Variants in NOS3 observed in about 807,000 individuals in gnomAD.
The protein encoded by NOS3 is NOS type III.
A neutral mutation model predicts 144.9 loss-of-function variants in NOS3; 98 were observed. The ratio of observed to expected loss-of-function variants is 0.68; its 90% confidence interval spans 0.57 to 0.80. The LOEUF (loss-of-function observed/expected upper bound fraction) is 0.80. NOS3 is among the 30% of genes least tolerant of loss of function. The pLI, the probability that NOS3 is intolerant of heterozygous loss-of-function variation, is 0.00. For missense variants in NOS3, 1,465 were observed against 1,656.4 expected (o/e 0.88, Z 2.01); for synonymous variants, 714 against 702.4 (o/e 1.02, Z -0.26).
chr7:150,998,476 C>T lies in NOS3; in HGVS notation c.674+28C>T. On this transcript the variant is annotated intron_variant, in intron 6 of 26. Transcript: ENST00000297494. The surrounding 1 kb of genome is among the most constrained non-coding windows in gnomAD (Gnocchi z 5.0). ...GAGTGCCCCCCACCATGCCAGGCCC[C>T]AGCCTTCTTCCCCAAGGCAGGGAAG... 6.2e-7 allele frequency: 1 copy of T among 1,611,518 alleles called. No individual in the cohort carries two copies. Among genetic ancestry groups the T allele is most frequent in the Non-Finnish European group, 8.5e-7 (1 of 1,179,436 alleles).
Position 150,993,854 on chromosome 7 carries a change from GGGGCTGGGGCTGGGCCTT to G in NOS3, c.58_75del (p.Gly20_Leu25del). The G allele has an allele frequency of 6.2e-7, 1 of 1,601,058 alleles. No individual in the cohort carries two copies. The highest frequency in any genetic ancestry group is 1.8e-5 in the Admixed American group (1 of 55,662). ...AGGAGCCTGGGCCACCCTGCGGCCT[GGGGCTGGGGCTGGGCCTT>G]GGGCTGTGCGGCAAGCAGGGCCCAG... On this transcript the variant is annotated inframe_deletion, in exon 2 of 27. Transcript: ENST00000297494. This position sits in a 1 kb window ranked among gnomAD's most constrained non-coding sequence, Gnocchi z 4.0.
In NOS3 at chr7:150,993,853, T is replaced by C; in HGVS notation, c.50T>C (p.Leu17Pro). Reference sequence around the variant, plus strand: ...CAGGAGCCTGGGCCACCCTGCGGCCTGGGGCTGGGGCTGGGCCTTGGGCTG... The same window carrying C: ...CAGGAGCCTGGGCCACCCTGCGGCCCGGGGCTGGGGCTGGGCCTTGGGCTG... ...VAQEPGPPCG[L>P]GLGLGLGLCG... Residue 17 changes from leucine (L) to proline (P), a missense_variant, in exon 2 of 27, where the codon CTG (leucine) becomes CCG (proline). Coordinates refer to ENST00000297494, the MANE Select transcript of NOS3 (RefSeq NM_000603.5). This position sits in a 1 kb window ranked among gnomAD's most constrained non-coding sequence, Gnocchi z 4.0. 1.2e-6 allele frequency: 2 copies of C among 1,600,910 alleles called. No individual in the cohort carries two copies. Among genetic ancestry groups the C allele is most frequent in the Non-Finnish European group, 1.7e-6 (2 of 1,176,478 alleles).
At chr7:151,004,376 C>A (rs1795175308) in intron 14 of NOS3, among the ~76,000 whole-genome samples, 1 of 152,148 alleles carries the variant, frequency 6.6e-6, no homozygotes, top group Non-Finnish European at 1.5e-5. Flanking sequence ...TGTCAAACAG[C>A]AAAGCAAATT....
At chr7:151,008,826 C>T in intron 17 of NOS3, 104 bp from the exon 18 acceptor site, 4 of 1,325,612 alleles carry the variant, frequency 3.0e-6, no homozygotes, top group East Asian at 2.6e-5. Context: ...GCCACTGGGG[C>T]TGCCAACCCC....
chr7:150,996,960 T>TA, intron 5 of NOS3, 35 bp downstream of exon 5: 1 of 1,538,014 alleles, frequency 6.5e-7, no homozygotes, highest in Non-Finnish European at 8.8e-7. Flanking sequence ...ACCCGGGCGC[T>TA]ACCAAAAGGG....
In NOS3 at chr7:151,003,369, A is replaced by G; in HGVS notation, c.1752+1065A>G. The G allele has an allele frequency of 8.7e-7, 1 of 1,154,216 alleles. No individual in the cohort carries two copies. The highest frequency in any genetic ancestry group is 1.1e-6 in the Non-Finnish European group (1 of 878,710). The allele number at this position is 1,154,216 out of a possible 1,614,324, so 71.5% of individuals were successfully genotyped here. Reference sequence around the variant, plus strand: ...TCTAACTCCTGGGTTCAAGCAATCCACCTGCCTCGGCCTCCCAAAGTGCTG... The same window carrying G: ...TCTAACTCCTGGGTTCAAGCAATCCGCCTGCCTCGGCCTCCCAAAGTGCTG... On this transcript the variant is annotated intron_variant, in intron 14 of 26. Coordinates refer to ENST00000297494, the MANE Select transcript of NOS3 (RefSeq NM_000603.5). The surrounding 1 kb of genome is among the most constrained non-coding windows in gnomAD (Gnocchi z 4.1).
chr7:150,996,477 C>T lies in NOS3; in HGVS notation c.344C>T (p.Pro115Leu), dbSNP rs368121237. 11 of 1,597,262 alleles carry T rather than the reference C, an allele frequency of 6.9e-6. No individual in the cohort carries two copies. In the Admixed American group the frequency reaches 1.5e-4, roughly 22 times the overall value. The change falls in exon 4 of 27, where the codon CCC becomes CTC. Residue 115 changes from proline (P) to leucine (L), a missense_variant. Coordinates refer to ENST00000297494, the MANE Select transcript of NOS3 (RefSeq NM_000603.5). ...FPRKLQGRPS[P>L]GPPAPEQLLS... ...CGGAAACTACAGGGCCGGCCCTCCC[C>T]CGGCCCCCCGGCCCCTGAGCAGCTG...
At position 151,014,116 on chromosome 7, in the gene NOS3, G is replaced by T. The variant is rs541336826; in HGVS notation, c.3559G>T (p.Gly1187Cys). 56 of 1,613,368 alleles carry T rather than the reference G, an allele frequency of 3.5e-5. 1 individual carries two copies. The South Asian group carries it at 5.4e-4, about 16-fold the overall frequency. The change falls in exon 27 of 27, where the codon GGC (glycine) becomes TGC (cysteine). Residue 1187 changes from glycine to cysteine, a missense_variant. By Grantham distance (159) the Gly-to-Cys change is radical. This residue lies in a region of NOS3 where 228 missense variants were observed against 227.7 expected (regional missense o/e 1.00). Transcript: ENST00000297494. ...SFSLQERQLR[G>C]AVPWAFDPPG... ...TTCCTTGCAGGAGCGTCAGTTGCGG[G>T]GCGCAGTGCCCTGGGCGTTCGACCC... is the stretch of plus-strand genomic sequence containing the variant.
In NOS3 at chr7:151,010,146, C is replaced by G; in HGVS notation, c.2544C>G (p.Pro848=). The change falls in exon 21 of 27, where the codon CCC becomes CCG. Residue 848 remains proline (P), a synonymous_variant. Transcript: ENST00000297494. ...CTCCCCCCGGCTGGGTGCGGGACCCCCGGCTGCCCCCGTGCACGCTGCGCC... is the reference window on the plus strand; with the variant it reads ...CTCCCCCCGGCTGGGTGCGGGACCCGCGGCTGCCCCCGTGCACGCTGCGCC... ...GGPPPGWVRD[P]RLPPCTLRQA... is the part of the protein sequence containing the mutation. 1 of 1,609,112 alleles carries G rather than the reference C, an allele frequency of 6.2e-7. No individual in the cohort carries two copies. The highest frequency in any genetic ancestry group is 8.5e-7 in the Non-Finnish European group (1 of 1,178,244).
rs562390919 is a variant in NOS3, at chr7:150,993,793, C to T, written c.-11C>T. 9.8e-5 allele frequency: 156 copies of T among 1,585,926 alleles called. No homozygotes were observed. Among genetic ancestry groups the T allele is most frequent in the Admixed American group, 1.6e-4 (8 of 50,102 alleles). ...CTGCTGGAGCAGGCAGCAGAGTGGA[C>T]GCACAGTAACATGGGCAACTTGAAG... On this transcript the variant is annotated 5_prime_UTR_variant, in exon 2 of 27. The change creates a new upstream start codon in the 5' untranslated region. Coordinates refer to ENST00000297494, the MANE Select transcript of NOS3 (RefSeq NM_000603.5). The surrounding 1 kb of genome is among the most constrained non-coding windows in gnomAD (Gnocchi z 4.0).
At chr7:151,000,033 G>A (rs1020279066) in intron 9 of NOS3, among the ~76,000 whole-genome samples, 2 of 146,450 alleles carry the variant, frequency 1.4e-5, no homozygotes, top group East Asian at 2.1e-4. Flanking sequence ...AGGTATGTGG[G>A]TGTGAGTGTG....
chr7:151,001,740 G>A (rs535634518), intron 12 of NOS3, 81 bp from the exon 13 acceptor site: 2 of 1,592,464 alleles, frequency 1.3e-6, no homozygotes, highest in African/African-American at 1.3e-5. Context: ...CCAAAACCCT[G>A]TTGTGAGGGG....
rs749451521 is a variant in NOS3, at chr7:151,001,342, G to A, written c.1345G>A (p.Val449Met). ...GGCPADWAWI[V>M]PPISGSLTPV... ...CTGCCCTGCAGACTGGGCCTGGATC[G>A]TGCCCCCCATCTCGGGCAGCCTCAC... Residue 449 changes from valine to methionine, a missense_variant, in exon 11 of 27, where the codon GTG becomes ATG. Physicochemically the swap from Val to Met is conservative, Grantham distance 21 (BLOSUM62 1). Around this residue, in one of 5 missense-constraint regions of NOS3, gnomAD observed 745 missense variants for 853.9 expected, o/e 0.87. Transcript: ENST00000297494. 45 of 1,613,250 alleles carry A rather than the reference G, an allele frequency of 2.8e-5. No homozygotes were observed. Among genetic ancestry groups the A allele is most frequent in the Admixed American group, 3.3e-5 (2 of 59,948 alleles).
chr7:151,006,632 A>C, intron 15 of NOS3, 138 bp downstream of exon 15: 1 of 774,118 alleles, frequency 1.3e-6, no homozygotes, highest in South Asian at 1.6e-5. Flanking sequence ...GATGCCCTCC[A>C]TTCCAGGCTG....
At chr7:151,000,877 G>A (rs1307265595) in intron 10 of NOS3, among the ~76,000 whole-genome samples, 1 of 152,174 alleles carries the variant, frequency 6.6e-6, no homozygotes, top group East Asian at 1.9e-4. Flanking sequence ...ATTGGGTATT[G>A]CAGTTTGTGG....
rs1249591731 is a variant in NOS3 at position 150,993,756 on chromosome 7, A to G, written c.-48A>G. 6.4e-7 allele frequency: 1 copy of G among 1,556,388 alleles called. No individual in the cohort carries two copies. The highest frequency in any genetic ancestry group is 8.6e-7 in the Non-Finnish European group (1 of 1,157,564). On this transcript the variant is annotated 5_prime_UTR_variant, in exon 2 of 27. Transcript: ENST00000297494. This position sits in a 1 kb window ranked among gnomAD's most constrained non-coding sequence, Gnocchi z 4.0. ...CGGTCCCCTCCCTCTTCCTAAGGAA[A>G]AGGCCAGGGCTCTGCTGGAGCAGGC...
rs1317556059 is a variant in NOS3 at position 151,001,218 on chromosome 7, C to G, written c.1234-13C>G. ...GTCTGGTTTGAGCCTCTCCCCCTCT[C>G]TCTCCCTTCCAGCTAGCCAAAGTCA... On this transcript the variant is annotated splice_polypyrimidine_tract_variant and intron_variant, in intron 10 of 26. Transcript: ENST00000297494. 4 of 1,611,762 alleles carry G rather than the reference C, an allele frequency of 2.5e-6. No individual in the cohort carries two copies. The highest frequency in any genetic ancestry group is 3.4e-6 in the Non-Finnish European group (4 of 1,179,832).
Position 151,000,513 on chromosome 7 carries a change from A to C in NOS3, c.1147A>C (p.Met383Leu). 1 of 1,612,686 alleles carries C rather than the reference A, an allele frequency of 6.2e-7. No individual in the cohort carries two copies. Among genetic ancestry groups the C allele is most frequent in the East Asian group, 2.2e-5 (1 of 44,880 alleles). Reference protein sequence around the residue: ...YNILEDVAVCMDLDTRTTSSL... With the variant: ...YNILEDVAVCLDLDTRTTSSL... ...TCTGCCCCAGGATGTGGCTGTCTGC[A>C]TGGACCTGGATACCCGGACCACCTC... The change falls in exon 10 of 27, where the codon ATG becomes CTG. Residue 383 changes from methionine to leucine, a missense_variant. Met to Leu is a conservative substitution (Grantham distance 15). Around this residue, in one of 5 missense-constraint regions of NOS3, gnomAD observed 745 missense variants for 853.9 expected, o/e 0.87. Transcript: ENST00000297494.
chr7:150,991,504 C>T (rs1802254836), intron 1 of NOS3, among the ~76,000 whole-genome samples: 1 of 152,194 alleles, frequency 6.6e-6, no homozygotes, highest in Non-Finnish European at 1.5e-5. Flanking sequence ...AGGATTCAAG[C>T]AGTGCACCAA....
Sources: gnomAD v4.1 joint callset for allele counts (sites outside exome capture counted in the v4.1 genomes callset) on GRCh38, gnomAD v4.1.1 for gene constraint, gnomAD v4.1.1 regional missense constraint, Gnocchi (gnomAD v3.1) non-coding constraint, MANE v1.5 for transcripts, NCBI Gene and HGNC (gene_info 2026-07-23, HGNC 2026-07-21) for gene names.